TTLL5: variants seen among roughly 807,000 people sequenced by gnomAD.
TTLL5 encodes the protein tubulin tyrosine ligase like 5, also known as tubulin polyglutamylase TTLL5.
Under a neutral mutation model 168.4 loss-of-function variants are expected in TTLL5, and 132 were observed. The ratio of observed to expected loss-of-function variants is 0.78; its 90% confidence interval spans 0.68 to 0.91. The LOEUF (loss-of-function observed/expected upper bound fraction) is 0.91. Among genes scored for constraint, TTLL5 ranks in the 40% least tolerant of loss-of-function variants. The pLI is 0.00. For synonymous variants in TTLL5, 546 were observed against 558.6 expected (o/e 0.98, Z 0.32); for missense variants, 1,545 against 1,581.5 (o/e 0.98, Z 0.39).
Position 75,863,754 on chromosome 14 carries a change from G to A in TTLL5, c.3414G>A (p.Lys1138=), listed in dbSNP as rs1055409363. 2 of 1,613,636 alleles carry A rather than the reference G, an allele frequency of 1.2e-6. No homozygotes were observed. The highest frequency in any genetic ancestry group is 3.3e-5 in the Admixed American group (2 of 59,974). The change falls in exon 29 of 32, where the codon AAG becomes AAA. Residue 1138 remains lysine (K), a synonymous_variant. Transcript: ENST00000298832. ...CTACAGGGGTGGTCCCCCAGCACAA[G>A]TATCACCCCACAGCAGGCAGCTATC... ...SQATGVVPQH[K]YHPTAGSYQL... is the part of the protein sequence containing the mutation.
At chr14:75,860,207 G>C (rs538183332) in intron 28 of TTLL5, among the ~76,000 whole-genome samples, 2 of 152,262 alleles carry the variant, frequency 1.3e-5, no homozygotes, top group Admixed American at 6.5e-5. Context: ...CTTGCCCACT[G>C]TCCTACCCTT....
intron 27 of TTLL5, among the ~76,000 whole-genome samples, chr14:75,798,236 T>C (rs751196033): frequency 6.6e-5 from 10 of 152,082 alleles, no homozygotes; most frequent in Non-Finnish European, 1.2e-4. Flanking sequence ...CACGTAAAGG[T>C]GTTCATAGTA....
chr14:75,931,528 C>G (rs1011317945), intron 31 of TTLL5, among the ~76,000 whole-genome samples: 4 of 152,160 alleles, frequency 2.6e-5, no homozygotes, highest in Admixed American at 2.0e-4. Flanking sequence ...GTTTTCCAGA[C>G]GGATCTCTTC....
intron 18 of TTLL5, among the ~76,000 whole-genome samples, chr14:75,763,019 C>T (rs955989846): frequency 2.0e-5 from 3 of 151,964 alleles, no homozygotes; most frequent in Non-Finnish European, 2.9e-5. Flanking sequence ...TTTTAAGAGA[C>T]ACGTCATTGG....
At chr14:75,785,487 G>A (rs1030483880) in intron 26 of TTLL5, among the ~76,000 whole-genome samples, 1 of 151,938 alleles carries the variant, frequency 6.6e-6, no homozygotes, top group Non-Finnish European at 1.5e-5. Flanking sequence ...CCCCTCCTAT[G>A]TTTTATAGTT....
intron 2 of TTLL5, among the ~76,000 whole-genome samples, chr14:75,668,685 T>C (rs1301023271): frequency 3.3e-5 from 5 of 152,246 alleles, no homozygotes; most frequent in Non-Finnish European, 7.3e-5. Flanking sequence ...AAATATGTGA[T>C]TTTAATTGGG....
rs557152166 is a variant in TTLL5, at chr14:75,948,399, G to A, written c.3824-6025G>A. Among the ~76,000 whole-genome samples, 3 of 151,954 alleles carry A rather than the reference G, an allele frequency of 2.0e-5. No individual in the cohort carries two copies. In the South Asian group the frequency reaches 6.2e-4, roughly 32 times the overall value. ...ACTCGGGAGGCTGAGGCAGGAGAATGGCTTGAAACTGAGAGGTGGAGGTTG... is the reference window on the plus strand; with the variant it reads ...ACTCGGGAGGCTGAGGCAGGAGAATAGCTTGAAACTGAGAGGTGGAGGTTG... On this transcript the variant is annotated intron_variant, in intron 31 of 31. Coordinates refer to ENST00000298832, the MANE Select transcript of TTLL5 (RefSeq NM_015072.5).
intron 7 of TTLL5, among the ~76,000 whole-genome samples, chr14:75,704,926 G>A (rs1886545279): frequency 6.6e-6 from 1 of 152,228 alleles, no homozygotes. Flanking sequence ...CGTTAGATGT[G>A]TCATGGAATG....
At chr14:75,858,740 G>T (rs1897260863) in intron 28 of TTLL5, among the ~76,000 whole-genome samples, 1 of 152,198 alleles carries the variant, frequency 6.6e-6, no homozygotes. Flanking sequence ...AATACTTGAA[G>T]ATTTAAATAT....
intron 27 of TTLL5, among the ~76,000 whole-genome samples, chr14:75,794,457 A>AG (rs1489282694): frequency 1.3e-5 from 2 of 151,690 alleles, no homozygotes; most frequent in Non-Finnish European, 2.9e-5. Flanking sequence ...GTAAAAAAAA[A>AG]AAAAAAATAC....
intron 3 of TTLL5, among the ~76,000 whole-genome samples, chr14:75,679,491 C>T (rs1884437165): frequency 6.6e-6 from 1 of 152,180 alleles, no homozygotes; most frequent in African/African-American, 2.4e-5. Context: ...AATAAATTTG[C>T]CTTACAACAA....
At chr14:75,721,916 GGAAAA>G (rs1887862869) in intron 12 of TTLL5, among the ~76,000 whole-genome samples, 1 of 152,054 alleles carries the variant, frequency 6.6e-6, no homozygotes, top group Non-Finnish European at 1.5e-5. Flanking sequence ...AAATTATATG[GGAAAA>G]GAAGAGGTTG....
intron 18 of TTLL5, among the ~76,000 whole-genome samples, chr14:75,757,610 C>CT (rs1890361742): frequency 6.6e-6 from 1 of 152,062 alleles, no homozygotes; most frequent in African/African-American, 2.4e-5. Flanking sequence ...ATAATTTGTC[C>CT]TTTTTTGTTT....
chr14:75,929,246 T>G (rs1447903717), intron 31 of TTLL5, among the ~76,000 whole-genome samples: 1 of 152,148 alleles, frequency 6.6e-6, no homozygotes, highest in South Asian at 2.1e-4. Flanking sequence ...TCATCTCAGC[T>G]TTGCTACCAT....
At chr14:75,707,768 A>G in intron 9 of TTLL5, 61 bp downstream of exon 9, 1 of 1,335,970 alleles carries the variant, frequency 7.5e-7, no homozygotes. Flanking sequence ...GTATATTAAG[A>G]GTGGATCCAT....
chr14:75,952,472 C>T (rs776401827), intron 31 of TTLL5, among the ~76,000 whole-genome samples: 14 of 152,162 alleles, frequency 9.2e-5, no homozygotes, highest in Admixed American at 2.6e-4. Context: ...AAACAGTTTA[C>T]GTGAAGAGTT....
chr14:75,671,791 G>T (rs1594844753), intron 3 of TTLL5, among the ~76,000 whole-genome samples: 1 of 152,080 alleles, frequency 6.6e-6, no homozygotes, highest in African/African-American at 2.4e-5. Flanking sequence ...TTGTGTTTAG[G>T]TTTGTCTGCA....
chr14:75,710,355 A>T (rs1428882245), intron 9 of TTLL5: 1 of 151,860 alleles, frequency 6.6e-6, no homozygotes, highest in Non-Finnish European at 1.5e-5. Context: ...AATCTACTGA[A>T]TTAAGTATAA....
At chr14:75,870,295 C>T (rs1382635350) in intron 29 of TTLL5, among the ~76,000 whole-genome samples, 3 of 139,532 alleles carry the variant, frequency 2.2e-5, no homozygotes, top group South Asian at 4.6e-4. Flanking sequence ...TTCTGGAGAA[C>T]GGGGTCTCGC....
Sources: allele counts gnomAD v4.1 joint callset (sites outside exome capture counted in the v4.1 genomes callset), GRCh38; gene constraint gnomAD v4.1.1; transcripts MANE v1.5; gene names NCBI Gene and HGNC (gene_info 2026-07-23, HGNC 2026-07-21).